Variants in DCP1A observed in about 807,000 individuals in gnomAD.
The protein encoded by DCP1A is mRNA-decapping enzyme 1A.
DCP1A carries 20 observed loss-of-function variants against 58.0 expected under a neutral mutation model. That is an observed-to-expected ratio of 0.34 (90% CI 0.24 to 0.50). DCP1A has a LOEUF of 0.50. Ranked by LOEUF, DCP1A falls within the 20% of genes least tolerant of loss-of-function variation. DCP1A has a pLI of 0.98. For missense variants in DCP1A, 613 were observed against 712.2 expected, an observed-to-expected ratio of 0.86 and a Z score of 1.59; for synonymous variants, 285 against 275.1, an observed-to-expected ratio of 1.04 and a Z score of -0.36.
chr3:53,347,312 A>G (rs2106908940), intron 1 of DCP1A, 71 bp downstream of exon 1: 2 of 1,354,772 alleles, frequency 1.5e-6, no homozygotes, highest in East Asian at 3.2e-5. Flanking sequence ...CCCACCCCAC[A>G]GTAACCCGCG....
chr3:53,291,572 C>T (rs149076971), intron 7 of DCP1A, among the ~76,000 whole-genome samples: 159 of 152,150 alleles, frequency 1.0e-3, no homozygotes, highest in African/African-American at 3.5e-3. Flanking sequence ...GTCCTTCAGC[C>T]TGGGCATATT....
At chr3:53,343,369 C>T (rs138667133) in intron 2 of DCP1A, among the ~76,000 whole-genome samples, 76 of 152,296 alleles carry the variant, frequency 5.0e-4, no homozygotes, top group African/African-American at 1.8e-3. Flanking sequence ...AACACAGTTT[C>T]TTGCGTCTCC....
At chr3:53,316,249 C>G (rs1707808911) in intron 4 of DCP1A, among the ~76,000 whole-genome samples, 1 of 152,044 alleles carries the variant, frequency 6.6e-6, no homozygotes, top group South Asian at 2.1e-4. Context: ...ACAACAACAA[C>G]AAAAAGTAAC....
At chr3:53,294,205 G>A (rs1025951714) in intron 6 of DCP1A, among the ~76,000 whole-genome samples, 12 of 152,246 alleles carry the variant, frequency 7.9e-5, no homozygotes, top group African/African-American at 2.7e-4. Context: ...TGAGCCATCA[G>A]GCTTTATATT....
chr3:53,312,194 C>A (rs371005909), intron 5 of DCP1A, 47 bp downstream of exon 5: 60 of 1,516,244 alleles, frequency 4.0e-5, no homozygotes, highest in Non-Finnish European at 5.3e-5. Context: ...CTCCTCCTCC[C>A]GTTTTGGTCT....
At chr3:53,344,975 T>TC in intron 1 of DCP1A, 33 bp from the exon 2 acceptor site, 1 of 1,566,784 alleles carries the variant, frequency 6.4e-7, no homozygotes, top group Non-Finnish European at 8.7e-7. Flanking sequence ...TAGTTTTTTT[T>TC]CCCCATAATC....
intron 5 of DCP1A, among the ~76,000 whole-genome samples, chr3:53,307,754 T>C (rs1236173301): frequency 5.9e-5 from 9 of 152,224 alleles, no homozygotes; most frequent in African/African-American, 2.2e-4. Flanking sequence ...AATGCTTTGA[T>C]CTACCAATTC....
intron 3 of DCP1A, among the ~76,000 whole-genome samples, chr3:53,321,139 C>T (rs191505737): frequency 2.6e-4 from 39 of 152,366 alleles, no homozygotes; most frequent in Non-Finnish European, 5.0e-4. Flanking sequence ...CCCAGGCCCC[C>T]TTCTTATGTT....
At chr3:53,342,094 A>C (rs1553692589) in intron 3 of DCP1A, 50 bp downstream of exon 3, 3 of 1,470,548 alleles carry the variant, frequency 2.0e-6, no homozygotes, top group East Asian at 2.4e-5. Context: ...ATAGAAACTA[A>C]AGTCACTCAA....
chr3:53,321,619 G>A (rs1189449781), intron 3 of DCP1A, among the ~76,000 whole-genome samples: 1 of 152,106 alleles, frequency 6.6e-6, no homozygotes, highest in South Asian at 2.1e-4. Context: ...CTCAGGAAGC[G>A]GAGACAGGAG....
intron 3 of DCP1A, among the ~76,000 whole-genome samples, chr3:53,323,453 C>T (rs1289621975): frequency 6.6e-6 from 1 of 152,204 alleles, no homozygotes; most frequent in Non-Finnish European, 1.5e-5. Flanking sequence ...TTGAAATATG[C>T]TTCTTCCAAG....
intron 6 of DCP1A, among the ~76,000 whole-genome samples, chr3:53,296,478 G>A (rs150254837): frequency 6.6e-6 from 1 of 152,146 alleles, no homozygotes; most frequent in Non-Finnish European, 1.5e-5. Flanking sequence ...ATGTTCACAG[G>A]TTCCATTTAC....
chr3:53,290,793 G>C lies in DCP1A; in HGVS notation c.1447C>G (p.Pro483Ala). Reference sequence around the variant, plus strand: ...AAAAAAAAAAAGCGAGTCCTTACCGGGATGGCACTGGATAACACCTTAGGC... The same window carrying C: ...AAAAAAAAAAAGCGAGTCCTTACCGCGATGGCACTGGATAACACCTTAGGC... Reference protein sequence around the residue: ...VQPKVLSSAIPVAGAPLVTAT... With the variant: ...VQPKVLSSAIAVAGAPLVTAT... The change falls in exon 8 of 10, where the codon CCG (proline) becomes GCG (alanine). Residue 483 changes from proline to alanine, a missense_variant and splice_region_variant. Pro to Ala is a conservative substitution (Grantham distance 27). This residue lies in a region of DCP1A where 498 missense variants were observed against 556.7 expected (regional missense o/e 0.89). Transcript: ENST00000610213. 6.4e-7 allele frequency: 1 copy of C among 1,558,278 alleles called. No homozygotes were observed. The highest frequency in any genetic ancestry group is 8.8e-7 in the Non-Finnish European group (1 of 1,140,996).
intron 6 of DCP1A, among the ~76,000 whole-genome samples, chr3:53,302,072 G>C (rs1553687469): frequency 6.6e-6 from 1 of 152,172 alleles, no homozygotes; most frequent in Non-Finnish European, 1.5e-5. Flanking sequence ...GACTGTGGTA[G>C]TGGATATACA....
chr3:53,297,734 A>T (rs1707177222), intron 6 of DCP1A, among the ~76,000 whole-genome samples: 1 of 152,222 alleles, frequency 6.6e-6, no homozygotes, highest in African/African-American at 2.4e-5. Context: ...ACAAACACAC[A>T]AACCAATATT....
Position 53,292,204 on chromosome 3 carries a change from T to G in DCP1A, c.1248A>C (p.Ala416=), listed in dbSNP as rs368534716. 7.4e-6 allele frequency: 12 copies of G among 1,613,864 alleles called. No homozygotes were observed. Among genetic ancestry groups the G allele is most frequent in the Admixed American group, 5.0e-5 (3 of 60,006 alleles). Residue 416 remains alanine, a synonymous_variant, in exon 7 of 10, where the codon GCA becomes GCC. Transcript: ENST00000610213. The stretch of plus-strand genomic sequence containing the variant: ...CTGCCGGAGAAAAGCTGGCTACCAT[T>G]GCACCTTTCCCAAGTGGTTGTGTCT... ...QIQTQPLGKG[A]MVASFSPAAG... is the part of the protein sequence containing the mutation.
chr3:53,293,513 C>T (rs1259638421), intron 6 of DCP1A, among the ~76,000 whole-genome samples: 1 of 152,146 alleles, frequency 6.6e-6, no homozygotes, highest in Non-Finnish European at 1.5e-5. Flanking sequence ...TTGCTCTAAC[C>T]TGGGCCCACG....
At chr3:53,293,453 T>G (rs1480012179) in intron 6 of DCP1A, among the ~76,000 whole-genome samples, 2 of 152,180 alleles carry the variant, frequency 1.3e-5, no homozygotes, top group Non-Finnish European at 2.9e-5. Context: ...TAAGCAGTAT[T>G]TCCATAGTCA....
chr3:53,338,134 T>C, intron 3 of DCP1A: 2 of 447,988 alleles, frequency 4.5e-6, no homozygotes, highest in South Asian at 3.1e-5. Flanking sequence ...CTGAGCCTCT[T>C]GTTTTCTCAA....
Sources: gnomAD v4.1 joint callset for allele counts (sites outside exome capture counted in the v4.1 genomes callset) on GRCh38, gnomAD v4.1.1 for gene constraint, gnomAD v4.1.1 regional missense constraint, MANE v1.5 for transcripts, NCBI Gene and HGNC (gene_info 2026-07-23, HGNC 2026-07-21) for gene names.